The following RAB1B variants were observed in gnomAD, a reference collection of about 807,000 sequenced individuals.
RAB1B encodes RAB1B, member RAS oncogene family, also known as ras-related protein Rab-1B.
In RAB1B, 10 loss-of-function variants were observed where a neutral mutation model predicts 24.8. The observed-to-expected ratio is 0.40, with a 90% confidence interval of 0.25 to 0.68. The LOEUF is 0.68. Ranked by LOEUF, RAB1B falls within the 30% of genes least tolerant of loss-of-function variation. The pLI, the probability that RAB1B is intolerant of heterozygous loss-of-function variation, is 0.37. For synonymous variants in RAB1B, 99 were observed against 111.7 expected (o/e 0.89, Z 0.72); for missense variants, 154 against 271.2 (o/e 0.57, Z 3.04).
chr11:66,276,098 A>C lies in RAB1B; in HGVS notation c.466A>C (p.Thr156Pro). 6.2e-7 allele frequency: 1 copy of C among 1,613,902 alleles called. No homozygotes were observed. The highest frequency in any genetic ancestry group is 8.5e-7 in the Non-Finnish European group (1 of 1,179,940). Residue 156 changes from threonine (T) to proline (P), a missense_variant, in exon 6 of 6, where the codon ACC (threonine) becomes CCC (proline). Thr to Pro is a conservative substitution (Grantham distance 38). Around this residue, in one of 2 missense-constraint regions of RAB1B, gnomAD observed 77 missense variants for 97.8 expected, o/e 0.79. Coordinates refer to ENST00000311481, the MANE Select transcript of RAB1B (RefSeq NM_030981.3). ...PFLETSAKNA[T>P]NVEQAFMTMA... Reference sequence around the variant, plus strand: ...CTTGGAGACGAGCGCCAAGAATGCCACCAATGTCGAGCAGGCGTTCATGAC... The same window carrying C: ...CTTGGAGACGAGCGCCAAGAATGCCCCCAATGTCGAGCAGGCGTTCATGAC...
At chr11:66,271,702 C>A in intron 1 of RAB1B, 95 bp from the exon 2 acceptor site, 1 of 837,586 alleles carries the variant, frequency 1.2e-6, no homozygotes, top group Non-Finnish European at 2.0e-6. Context: ...CCAAGGGATG[C>A]CTCATGGGGT....
chr11:66,275,781 CTT>C, intron 4 of RAB1B, 21 bp from the exon 5 acceptor site: 1 of 1,558,832 alleles, frequency 6.4e-7, no homozygotes, highest in Non-Finnish European at 8.7e-7. Context: ...AGCAAAATAA[CTT>C]TGGCCCCTGG....
Position 66,277,360 on chromosome 11 carries a change from G to C in RAB1B, c.*1122G>C, listed in dbSNP as rs570233366. 1 of 152,626 alleles carries C rather than the reference G, an allele frequency of 6.6e-6. No homozygotes were observed. The highest frequency in any genetic ancestry group is 2.4e-5 in the African/African-American group (1 of 41,448). The allele number at this position is 152,626 out of a possible 1,614,324, so 9.5% of individuals were successfully genotyped here. A position where few individuals can be genotyped will look rare whatever the true frequency, so the allele number is the denominator to read the frequency against. On this transcript the variant is annotated 3_prime_UTR_variant, in exon 6 of 6. Coordinates refer to ENST00000311481, the MANE Select transcript of RAB1B (RefSeq NM_030981.3). ...GGGCTGCCCCCTTGGGGTGCCCCCCGCTCCCAGGTTCCCCTCTGGTGTCAT... is the reference window on the plus strand; with the variant it reads ...GGGCTGCCCCCTTGGGGTGCCCCCCCCTCCCAGGTTCCCCTCTGGTGTCAT...
chr11:66,272,424 T>G lies in RAB1B; in HGVS notation c.243T>G (p.Ala81=). The stretch of plus-strand genomic sequence containing the variant: ...TCACTTCCAGCTACTACCGGGGGGC[T>G]CATGGCATCATCGTGGTGTATGACG... ...RTITSSYYRG[A]HGIIVVYDVT... is the part of the protein sequence containing the mutation. The change falls in exon 4 of 6, where the codon GCT becomes GCG. Residue 81 remains alanine (A), a synonymous_variant. Coordinates refer to ENST00000311481, the MANE Select transcript of RAB1B (RefSeq NM_030981.3). 1 of 1,604,318 alleles carries G rather than the reference T, an allele frequency of 6.2e-7. No individual in the cohort carries two copies. Among genetic ancestry groups the G allele is most frequent in the South Asian group, 1.1e-5 (1 of 89,372 alleles).
intron 4 of RAB1B, among the ~76,000 whole-genome samples, chr11:66,275,241 C>A (rs774984763): frequency 6.6e-6 from 1 of 152,036 alleles, no homozygotes; most frequent in African/African-American, 2.4e-5. Context: ...GGGGTAGGGG[C>A]GCAAGTGCTG....
chr11:66,271,081 C>G (rs367558488), intron 1 of RAB1B: 1 of 152,378 alleles, frequency 6.6e-6, no homozygotes, highest in Non-Finnish European at 1.5e-5. Flanking sequence ...CGCAGTGGCT[C>G]ACCCCTGTAA....
intron 4 of RAB1B, among the ~76,000 whole-genome samples, chr11:66,274,009 C>G (rs1459706256): frequency 6.6e-6 from 1 of 152,156 alleles, no homozygotes; most frequent in African/African-American, 2.4e-5. Context: ...GGGTCTCACT[C>G]TGTCACCCAG....
At chr11:66,270,283 C>T (rs1305514799) in intron 1 of RAB1B, 1 of 150,218 alleles carries the variant, frequency 6.7e-6, no homozygotes, top group African/African-American at 2.5e-5. Context: ...TTGTTGTCTC[C>T]AAAGAGATGG....
In RAB1B at chr11:66,272,394, G is replaced by T; in HGVS notation, c.213G>T (p.Arg71=). 6.2e-7 allele frequency: 1 copy of T among 1,610,118 alleles called. No individual in the cohort carries two copies. Among genetic ancestry groups the T allele is most frequent in the South Asian group, 1.1e-5 (1 of 90,552 alleles). ...IWDTAGQERF[R]TITSSYYRGA... is the part of the protein sequence containing the mutation. ...ACACAGCGGGCCAGGAACGGTTCCGGACCATCACTTCCAGCTACTACCGGG... is the reference window on the plus strand; with the variant it reads ...ACACAGCGGGCCAGGAACGGTTCCGTACCATCACTTCCAGCTACTACCGGG... The change falls in exon 4 of 6, where the codon CGG becomes CGT. Residue 71 remains arginine, a synonymous_variant. Transcript: ENST00000311481.
Position 66,268,709 on chromosome 11 carries a change from C to CT in RAB1B, c.14+16_14+17insT. 1 of 1,562,856 alleles carries CT rather than the reference C, an allele frequency of 6.4e-7. No individual in the cohort carries two copies. The highest frequency in any genetic ancestry group is 8.6e-7 in the Non-Finnish European group (1 of 1,156,380). On this transcript the variant is annotated intron_variant, in intron 1 of 5. Coordinates refer to ENST00000311481, the MANE Select transcript of RAB1B (RefSeq NM_030981.3). ...ACCCCGAATAGTGAGTGAGCCCCGC[C>CT]CGCGCCGTCCAGCGCAGCCTCGATC... is the stretch of plus-strand genomic sequence containing the variant.
Position 66,275,787 on chromosome 11 carries a change from C to G in RAB1B, c.280-17C>G. 6.4e-7 allele frequency: 1 copy of G among 1,562,282 alleles called. No individual in the cohort carries two copies. Among genetic ancestry groups the G allele is most frequent in the Non-Finnish European group, 8.7e-7 (1 of 1,153,030 alleles). On this transcript the variant is annotated splice_polypyrimidine_tract_variant and intron_variant, in intron 4 of 5. Coordinates refer to ENST00000311481, the MANE Select transcript of RAB1B (RefSeq NM_030981.3). ...ACAGTTGGGAGCAAAATAACTTTGG[C>G]CCCTGGCCCCCTTTAGGAATCCTAC...
Position 66,276,272 on chromosome 11 carries a change from C to T in RAB1B, c.*34C>T, listed in dbSNP as rs1857143751. On this transcript the variant is annotated 3_prime_UTR_variant, in exon 6 of 6. Coordinates refer to ENST00000311481, the MANE Select transcript of RAB1B (RefSeq NM_030981.3). ...CATGGAGTGGGACAGGAGGGGGCAC[C>T]TTCTCCAGATGATGTCCCTGGAGGG... 1 of 1,047,268 alleles carries T rather than the reference C, an allele frequency of 9.5e-7. No individual in the cohort carries two copies. The highest frequency in any genetic ancestry group is 1.3e-6 in the Non-Finnish European group (1 of 788,086). The allele number at this position is 1,047,268 out of a possible 1,614,324, so 64.9% of individuals were successfully genotyped here.
At chr11:66,275,721 TC>T in intron 4 of RAB1B, 82 bp from the exon 5 acceptor site, 1 of 1,452,328 alleles carries the variant, frequency 6.9e-7, no homozygotes, top group Non-Finnish European at 9.3e-7. Context: ...GCTGTACTGT[TC>T]CCCTCAGAGA....
chr11:66,275,415 G>A (rs546008953), intron 4 of RAB1B, among the ~76,000 whole-genome samples: 104 of 152,326 alleles, frequency 6.8e-4, no homozygotes, highest in Non-Finnish European at 1.2e-3. Context: ...TTCAGGCCAC[G>A]GTGGGAACTG....
At position 66,276,098 on chromosome 11, in the gene RAB1B, A is replaced by G. The variant is rs768436309; in HGVS notation, c.466A>G (p.Thr156Ala). The G allele has an allele frequency of 5.0e-6, 8 of 1,613,902 alleles. No homozygotes were observed. Among genetic ancestry groups the G allele is most frequent in the East Asian group, 4.5e-5 (2 of 44,854 alleles). The change falls in exon 6 of 6, where the codon ACC (threonine) becomes GCC (alanine). Residue 156 changes from threonine to alanine, a missense_variant. Coordinates refer to ENST00000311481, the MANE Select transcript of RAB1B (RefSeq NM_030981.3). ...CTTGGAGACGAGCGCCAAGAATGCCACCAATGTCGAGCAGGCGTTCATGAC... is the reference window on the plus strand; with the variant it reads ...CTTGGAGACGAGCGCCAAGAATGCCGCCAATGTCGAGCAGGCGTTCATGAC... ...PFLETSAKNA[T>A]NVEQAFMTMA...
Position 66,276,297 on chromosome 11 carries a change from G to T in RAB1B, c.*59G>T, listed in dbSNP as rs1227103159. ...CTTCTCCAGATGATGTCCCTGGAGG[G>T]GGCAGGAGGTACCTCCCTCTCCCTC... On this transcript the variant is annotated 3_prime_UTR_variant, in exon 6 of 6. Coordinates refer to ENST00000311481, the MANE Select transcript of RAB1B (RefSeq NM_030981.3). 2 of 1,449,140 alleles carry T rather than the reference G, an allele frequency of 1.4e-6. No homozygotes were observed. Among genetic ancestry groups the T allele is most frequent in the Non-Finnish European group, 1.8e-6 (2 of 1,090,340 alleles). 89.8% of individuals were successfully genotyped at this position (1,449,140 alleles called of 1,614,324 possible). A position where few individuals can be genotyped will look rare whatever the true frequency, so the allele number is the denominator to read the frequency against.
intron 1 of RAB1B, among the ~76,000 whole-genome samples, chr11:66,268,951 C>T (rs933370912): frequency 4.6e-5 from 7 of 151,938 alleles, no homozygotes; most frequent in Admixed American, 4.6e-4. Flanking sequence ...CTCGAGACAT[C>T]GGTCCTACCA....
chr11:66,269,230 TC>T (rs1857009416), intron 1 of RAB1B, among the ~76,000 whole-genome samples: 1 of 152,014 alleles, frequency 6.6e-6, no homozygotes, highest in Non-Finnish European at 1.5e-5. Context: ...GGTCCTCTCT[TC>T]CGGGGCTGCC....
chr11:66,275,146 T>A (rs1165002438), intron 4 of RAB1B, among the ~76,000 whole-genome samples: 3 of 152,150 alleles, frequency 2.0e-5, no homozygotes. Flanking sequence ...TTTGAGCCAG[T>A]GTGATATGAC....
Sources: allele counts gnomAD v4.1 joint callset (sites outside exome capture counted in the v4.1 genomes callset), GRCh38; gene constraint gnomAD v4.1.1; regional missense constraint gnomAD v4.1.1; transcripts MANE v1.5; gene names NCBI Gene and HGNC (gene_info 2026-07-23, HGNC 2026-07-21).